Variants in TMEM132D observed in about 807,000 individuals in gnomAD.
The protein encoded by TMEM132D is transmembrane protein 132D, also known as mature OL transmembrane protein.
In TMEM132D, 21 loss-of-function variants were observed where a neutral mutation model predicts 62.3. That is an observed-to-expected ratio of 0.34 (90% CI 0.24 to 0.49). The LOEUF is 0.49. Ranked by LOEUF, TMEM132D falls within the 20% of genes least tolerant of loss-of-function variation. The pLI, the probability that TMEM132D is intolerant of heterozygous loss-of-function variation, is 0.99. For missense variants in TMEM132D, 1,346 were observed against 1,402.8 expected (o/e 0.96, Z 0.65); for synonymous variants, 621 against 575.6 (o/e 1.08, Z -1.13).
In TMEM132D at chr12:129,436,092, G is replaced by A. The variant is rs1220355608; in HGVS notation, c.1115+94967C>T. On this transcript the variant is annotated intron_variant, in intron 3 of 8. Transcript: ENST00000422113. Reference sequence around the variant, plus strand: ...TCCTGTCTGAAGTGCAGCTGTGAGGGTCGGAGCCACGGCAGCTATCTTGAG... The same window carrying A: ...TCCTGTCTGAAGTGCAGCTGTGAGGATCGGAGCCACGGCAGCTATCTTGAG... Among the ~76,000 whole-genome samples the A allele has an allele frequency of 6.6e-5, 10 of 152,232 alleles. 1 individual carries two copies. The highest frequency in any genetic ancestry group is 6.5e-4 in the Admixed American group (10 of 15,294).
chr12:129,366,917 C>T (rs1415362909), intron 3 of TMEM132D, among the ~76,000 whole-genome samples: 1 of 152,168 alleles, frequency 6.6e-6, no homozygotes, highest in Non-Finnish European at 1.5e-5. Flanking sequence ...GGGTGGAATT[C>T]GCACTATGCC....
chr12:129,270,632 T>C (rs1256722066), intron 4 of TMEM132D, among the ~76,000 whole-genome samples: 1 of 152,168 alleles, frequency 6.6e-6, no homozygotes, highest in East Asian at 1.9e-4. Flanking sequence ...ATCCTTACAG[T>C]CAAAGTTCCA....
intron 1 of TMEM132D, among the ~76,000 whole-genome samples, chr12:129,769,787 G>C (rs1870673362): frequency 6.6e-6 from 1 of 152,088 alleles, no homozygotes. Context: ...TTTATCCAGG[G>C]GGTAAAACAT....
chr12:129,098,364 A>T (rs974704055), intron 5 of TMEM132D, among the ~76,000 whole-genome samples: 2 of 152,206 alleles, frequency 1.3e-5, no homozygotes, highest in Non-Finnish European at 2.9e-5. Context: ...CGTAAGAATG[A>T]TAGTGATGAT....
intron 5 of TMEM132D, among the ~76,000 whole-genome samples, chr12:129,162,686 G>A (rs776034524): frequency 1.3e-5 from 2 of 152,000 alleles, no homozygotes; most frequent in Non-Finnish European, 2.9e-5. Flanking sequence ...CCCGACTCTC[G>A]TTCCTGATTT....
chr12:129,464,273 CT>C (rs1462544384), intron 3 of TMEM132D, among the ~76,000 whole-genome samples: 1 of 152,174 alleles, frequency 6.6e-6, no homozygotes, highest in Non-Finnish European at 1.5e-5. Flanking sequence ...TAAATATTTT[CT>C]TTTGAGAAGT....
intron 4 of TMEM132D, among the ~76,000 whole-genome samples, chr12:129,215,358 C>T (rs1315860207): frequency 1.3e-5 from 2 of 152,086 alleles, no homozygotes; most frequent in Non-Finnish European, 2.9e-5. Context: ...GGGAGAAGAT[C>T]AGGAAAAACA....
At chr12:129,816,152 T>G (rs1296603546) in intron 1 of TMEM132D, among the ~76,000 whole-genome samples, 1 of 152,236 alleles carries the variant, frequency 6.6e-6, no homozygotes, top group East Asian at 1.9e-4. Flanking sequence ...AAAAAAATTT[T>G]CCTAGTTCCA....
intron 3 of TMEM132D, among the ~76,000 whole-genome samples, chr12:129,465,393 G>A (rs1873852207): frequency 2.0e-5 from 3 of 152,150 alleles, no homozygotes; most frequent in Admixed American, 6.5e-5. Context: ...GCACAAGACA[G>A]GGATGCCCTC....
At chr12:129,808,759 G>A (rs911844755) in intron 1 of TMEM132D, among the ~76,000 whole-genome samples, 15 of 151,522 alleles carry the variant, frequency 9.9e-5, no homozygotes, top group South Asian at 2.1e-4. Context: ...GAACAAAGGC[G>A]GGAAGGAAGG....
At chr12:129,338,225 T>A (rs756685987) in intron 3 of TMEM132D, among the ~76,000 whole-genome samples, 1 of 152,214 alleles carries the variant, frequency 6.6e-6, no homozygotes, top group Non-Finnish European at 1.5e-5. Context: ...CACAGCCAGA[T>A]TGAGTTGGTT....
At chr12:129,223,267 G>A (rs1053316593) in intron 4 of TMEM132D, among the ~76,000 whole-genome samples, 1 of 151,824 alleles carries the variant, frequency 6.6e-6, no homozygotes, top group Non-Finnish European at 1.5e-5. Context: ...TGGAAGTGAT[G>A]GTTGCTACTT....
At chr12:129,289,859 A>G (rs186646154) in intron 4 of TMEM132D, among the ~76,000 whole-genome samples, 2 of 152,302 alleles carry the variant, frequency 1.3e-5, no homozygotes, top group East Asian at 3.9e-4. Context: ...CAATCAATCC[A>G]TCAATTAAGA....
intron 2 of TMEM132D, among the ~76,000 whole-genome samples, chr12:129,686,771 T>C (rs900485310): frequency 3.3e-5 from 5 of 152,182 alleles, no homozygotes; most frequent in Non-Finnish European, 5.9e-5. Context: ...CCCATTCATA[T>C]TGATTTCTGT....
At chr12:129,403,217 C>CA (rs1871671619) in intron 3 of TMEM132D, among the ~76,000 whole-genome samples, 1 of 149,994 alleles carries the variant, frequency 6.7e-6, no homozygotes, top group South Asian at 2.2e-4. Flanking sequence ...CCATTGATAT[C>CA]AAAGACTTGT....
chr12:129,674,109 TAC>T (rs1880570929), intron 2 of TMEM132D, among the ~76,000 whole-genome samples: 1 of 152,146 alleles, frequency 6.6e-6, no homozygotes, highest in Non-Finnish European at 1.5e-5. Context: ...TTTGCTGTAA[TAC>T]AGTCAAGAGT....
chr12:129,764,077 T>C (rs1593152655), intron 1 of TMEM132D, among the ~76,000 whole-genome samples: 3 of 152,300 alleles, frequency 2.0e-5, no homozygotes, highest in Admixed American at 2.0e-4. Context: ...CCTTGCCAGT[T>C]AACCTTTCAG....
intron 5 of TMEM132D, among the ~76,000 whole-genome samples, chr12:129,097,648 ATGTT>A (rs1167741109): frequency 2.6e-5 from 4 of 152,200 alleles, no homozygotes; most frequent in African/African-American, 7.2e-5. Flanking sequence ...TCATGGAGAA[ATGTT>A]TGTTTGCAGA....
intron 2 of TMEM132D, among the ~76,000 whole-genome samples, chr12:129,617,743 G>A (rs1347134850): frequency 6.6e-6 from 1 of 152,106 alleles, no homozygotes; most frequent in East Asian, 1.9e-4. Flanking sequence ...TCTCCTGGTG[G>A]AAGGGGGCAG....
Sources: allele counts gnomAD v4.1 joint callset (sites outside exome capture counted in the v4.1 genomes callset), GRCh38; gene constraint gnomAD v4.1.1; transcripts MANE v1.5; gene names NCBI Gene and HGNC (gene_info 2026-07-23, HGNC 2026-07-21).